Variants in PTPRQ observed in about 807,000 individuals in gnomAD.
PTPRQ encodes the protein protein tyrosine phosphatase receptor type Q.
PTPRQ carries 199 observed loss-of-function variants against 246.0 expected under a neutral mutation model. The ratio of observed to expected loss-of-function variants is 0.81; its 90% confidence interval spans 0.72 to 0.91. The LOEUF (loss-of-function observed/expected upper bound fraction) is 0.91. Ranked by LOEUF, PTPRQ falls within the 40% of genes least tolerant of loss-of-function variation. The pLI is 0.00. For missense variants in PTPRQ, 2,624 were observed against 2,528.4 expected, an observed-to-expected ratio of 1.04 and a Z score of -0.81; for synonymous variants, 869 against 853.2, an observed-to-expected ratio of 1.02 and a Z score of -0.32.
chr12:80,642,938 A>AC (rs1565837046), intron 35 of PTPRQ, among the ~76,000 whole-genome samples: 5 of 149,470 alleles, frequency 3.3e-5, no homozygotes, highest in African/African-American at 1.0e-4. Context: ...AAAAAAAAAA[A>AC]AAAAAAAACA....
chr12:80,605,281 A>G, intron 27 of PTPRQ, 101 bp downstream of exon 27: 1 of 1,396,260 alleles, frequency 7.2e-7, no homozygotes, highest in Non-Finnish European at 9.5e-7. Flanking sequence ...TCTGTTAGAC[A>G]GTAGGAAAAT....
At chr12:80,676,214 T>C (rs557049011) in intron 43 of PTPRQ, among the ~76,000 whole-genome samples, 1 of 152,312 alleles carries the variant, frequency 6.6e-6, no homozygotes, top group East Asian at 1.9e-4. Flanking sequence ...TCCAGAGTGA[T>C]TGCAGTTTCT....
chr12:80,461,152 G>C (rs1893153152), intron 6 of PTPRQ, among the ~76,000 whole-genome samples: 1 of 152,068 alleles, frequency 6.6e-6, no homozygotes, highest in South Asian at 2.1e-4. Context: ...TCCTCATATA[G>C]CTTTTATCAT....
chr12:80,578,338 AT>A lies in PTPRQ; in HGVS notation c.4286-9783del, dbSNP rs201011680. ...ATGGGGTGTTTGGTTTTTAAAATAA[AT>A]TTTTTTTCCCATCCCAAAAAATCAG... On this transcript the variant is annotated intron_variant, in intron 25 of 44. Coordinates refer to ENST00000644991, the MANE Select transcript of PTPRQ (RefSeq NM_001145026.2). Among the ~76,000 whole-genome samples, 865 of 147,848 alleles carry A rather than the reference AT, an allele frequency of 5.9e-3. 25 individuals carry two copies. The South Asian group carries it at 0.067, about 11-fold the overall frequency.
chr12:80,444,579 A>G (rs201307498), intron 1 of PTPRQ, among the ~76,000 whole-genome samples, 162 bp from the exon 2 acceptor site: 4 of 143,560 alleles, frequency 2.8e-5, no homozygotes, highest in African/African-American at 1.1e-4. Flanking sequence ...AAAGTTATAT[A>G]ACATATTTGT....
At chr12:80,677,326 A>C (rs1434949004) in intron 43 of PTPRQ, among the ~76,000 whole-genome samples, 1 of 152,218 alleles carries the variant, frequency 6.6e-6, no homozygotes, top group Non-Finnish European at 1.5e-5. Flanking sequence ...ACTTACTAGC[A>C]ATTTCAGTAG....
chr12:80,446,484 G>A (rs907316002), intron 3 of PTPRQ, among the ~76,000 whole-genome samples: 6 of 151,696 alleles, frequency 4.0e-5, no homozygotes, highest in African/African-American at 9.7e-5. Context: ...GGTTTGTTAC[G>A]TGGGTATATT....
intron 25 of PTPRQ, among the ~76,000 whole-genome samples, chr12:80,579,219 A>G (rs567911724): frequency 6.6e-6 from 1 of 152,328 alleles, no homozygotes; most frequent in East Asian, 1.9e-4. Flanking sequence ...ATATGTCACT[A>G]ATTAATCTCT....
intron 27 of PTPRQ, among the ~76,000 whole-genome samples, chr12:80,608,434 T>A (rs1362160238): frequency 6.7e-6 from 1 of 150,054 alleles, no homozygotes; most frequent in East Asian, 2.0e-4. Context: ...GGACCGAGAA[T>A]TCCTTTCAAA....
intron 26 of PTPRQ, among the ~76,000 whole-genome samples, chr12:80,596,422 T>G (rs140025546): frequency 6.8e-6 from 1 of 146,892 alleles, no homozygotes; most frequent in East Asian, 1.9e-4. Flanking sequence ...ATTATCACTG[T>G]TTTTTTTTAA....
intron 16 of PTPRQ, 50 bp from the exon 17 acceptor site, chr12:80,510,273 T>C (rs533897106): frequency 7.3e-7 from 1 of 1,372,396 alleles, no homozygotes; most frequent in Non-Finnish European, 9.5e-7. Flanking sequence ...TGTTAACTTT[T>C]TCTTATATAT....
intron 24 of PTPRQ, 122 bp from the exon 25 acceptor site, chr12:80,549,343 T>C: frequency 8.1e-7 from 1 of 1,230,502 alleles, no homozygotes; most frequent in East Asian, 2.6e-5. Context: ...ACATTGAAAA[T>C]TTGATATATT....
chr12:80,592,571 A>T lies in PTPRQ; in HGVS notation c.4609+4119A>T, dbSNP rs373484283. Among the ~76,000 whole-genome samples, 9 of 152,332 alleles carry T rather than the reference A, an allele frequency of 5.9e-5. 1 individual carries two copies. The highest frequency in any genetic ancestry group is 2.2e-4 in the African/African-American group (9 of 41,572). On this transcript the variant is annotated intron_variant, in intron 26 of 44. Transcript: ENST00000644991. ...TTAAGTAACGGAAGTCTTGAAGAGC[A>T]ATAATCCTTTTAATATTAAAAATAA...
rs187497192 is a variant in PTPRQ, at chr12:80,540,345, T to C, written c.3154+401T>C. Among the ~76,000 whole-genome samples, 454 of 152,238 alleles carry C rather than the reference T, an allele frequency of 3.0e-3. 4 individuals carry two copies. Among genetic ancestry groups the C allele is most frequent in the African/African-American group, 0.01 (419 of 41,582 alleles). ...ACAGGACTCTGCAGCACATCTCTTC[T>C]CACTGTGTTTGTGACTAATATATCC... On this transcript the variant is annotated intron_variant, in intron 20 of 44. Coordinates refer to ENST00000644991, the MANE Select transcript of PTPRQ (RefSeq NM_001145026.2).
At chr12:80,660,052 CT>C (rs1268162941) in intron 39 of PTPRQ, among the ~76,000 whole-genome samples, 1 of 151,998 alleles carries the variant, frequency 6.6e-6, no homozygotes, top group East Asian at 1.9e-4. Flanking sequence ...CAATTTCCCC[CT>C]ACCCCCAAAT....
At chr12:80,532,760 T>A (rs949957457) in intron 17 of PTPRQ, among the ~76,000 whole-genome samples, 1 of 152,242 alleles carries the variant, frequency 6.6e-6, no homozygotes, top group Non-Finnish European at 1.5e-5. Flanking sequence ...TTCAAATTGC[T>A]GAATAGCCTG....
chr12:80,634,708 C>G, intron 34 of PTPRQ: 1 of 441,072 alleles, frequency 2.3e-6, no homozygotes, highest in Non-Finnish European at 3.7e-6. Flanking sequence ...ACTAATTCTT[C>G]TTAAATTTAG....
chr12:80,554,213 A>G (rs1479783576), intron 25 of PTPRQ, among the ~76,000 whole-genome samples: 3 of 152,174 alleles, frequency 2.0e-5, no homozygotes, highest in African/African-American at 7.2e-5. Context: ...AAATAGTATA[A>G]TTGGAATTTT....
chr12:80,474,915 GT>G, intron 8 of PTPRQ, among the ~76,000 whole-genome samples: 1 of 152,220 alleles, frequency 6.6e-6, no homozygotes, highest in Non-Finnish European at 1.5e-5. Context: ...ATTTAAACTT[GT>G]TACTTTCTGC....
Sources: gnomAD v4.1 joint callset for allele counts (sites outside exome capture counted in the v4.1 genomes callset) on GRCh38, gnomAD v4.1.1 for gene constraint, MANE v1.5 for transcripts, NCBI Gene and HGNC (gene_info 2026-07-23, HGNC 2026-07-21) for gene names.